LUZP2: variants seen among roughly 807,000 people sequenced by gnomAD.
LUZP2 encodes the protein leucine zipper protein 2.
Under a neutral mutation model 51.6 loss-of-function variants are expected in LUZP2, and 52 were observed. The observed-to-expected ratio is 1.01, with a 90% CI of 0.81 to 1.27. LUZP2 has a LOEUF of 1.27. Among genes scored for constraint, LUZP2 ranks in the 50% most tolerant of loss-of-function variants. The probability of loss-of-function intolerance (pLI) is 0.00; values close to 1 mark genes in which losing one functional copy is unlikely to be tolerated. For synonymous variants in LUZP2, 154 were observed against 137.3 expected, an observed-to-expected ratio of 1.12 and a Z score of -0.85; for missense variants, 436 against 395.4, an observed-to-expected ratio of 1.10 and a Z score of -0.87.
chr11:24,554,724 C>T (rs991803971), intron 1 of LUZP2, among the ~76,000 whole-genome samples: 5 of 67,058 alleles, frequency 7.5e-5, no homozygotes, highest in Non-Finnish European at 1.1e-4. Context: ...TTGGTAAGGA[C>T]TACCAGATTA....
chr11:24,960,845 T>G (rs1011264338), intron 7 of LUZP2, among the ~76,000 whole-genome samples: 5 of 152,184 alleles, frequency 3.3e-5, no homozygotes, highest in African/African-American at 1.2e-4. Flanking sequence ...TGTTAGGGTG[T>G]CAGTTTTGGA....
chr11:24,809,404 G>T (rs1849952450), intron 5 of LUZP2, among the ~76,000 whole-genome samples: 2 of 152,170 alleles, frequency 1.3e-5, no homozygotes, highest in Admixed American at 6.6e-5. Flanking sequence ...CACTCTTTCA[G>T]CATGCCATTC....
intron 9 of LUZP2, among the ~76,000 whole-genome samples, chr11:25,020,877 A>G (rs1857313960): frequency 6.6e-6 from 1 of 152,098 alleles, no homozygotes; most frequent in South Asian, 2.1e-4. Context: ...CAAGAGAATA[A>G]TTTGGAATGT....
At chr11:24,968,899 T>G (rs1214504756) in intron 7 of LUZP2, among the ~76,000 whole-genome samples, 1 of 152,324 alleles carries the variant, frequency 6.6e-6, no homozygotes, top group Non-Finnish European at 1.5e-5. Context: ...TCAAGGTTCG[T>G]AGCCTGGCAC....
At chr11:24,736,891 A>C (rs189311046) in intron 3 of LUZP2, among the ~76,000 whole-genome samples, 1 of 152,004 alleles carries the variant, frequency 6.6e-6, no homozygotes, top group East Asian at 1.9e-4. Context: ...AACCAAAGTG[A>C]CTGTAATTAT....
intron 1 of LUZP2, among the ~76,000 whole-genome samples, chr11:24,575,584 T>G (rs1304582371): frequency 1.3e-5 from 2 of 152,212 alleles, no homozygotes; most frequent in African/African-American, 4.8e-5. Context: ...TGTTTTTTTC[T>G]TTTTCAAACA....
intron 4 of LUZP2, among the ~76,000 whole-genome samples, chr11:24,749,064 G>A (rs79960964): frequency 0.015 from 2,339 of 152,214 alleles, 66 homozygotes; most frequent in African/African-American, 0.053. Context: ...CTTTCTTGAC[G>A]TTAACAAATG....
intron 9 of LUZP2, among the ~76,000 whole-genome samples, chr11:25,006,059 C>T (rs530969037): frequency 1.2e-4 from 18 of 151,674 alleles, no homozygotes; most frequent in Non-Finnish European, 1.8e-4. Context: ...TCCCCATATC[C>T]CCTGCTTGTC....
intron 1 of LUZP2, among the ~76,000 whole-genome samples, chr11:24,563,027 CAT>C (rs1312319367): frequency 6.6e-6 from 1 of 152,204 alleles, no homozygotes; most frequent in African/African-American, 2.4e-5. Flanking sequence ...AGAAGGCTGA[CAT>C]ATTGACTGTA....
chr11:24,866,613 A>G (rs1278241144), intron 5 of LUZP2, among the ~76,000 whole-genome samples: 1 of 152,228 alleles, frequency 6.6e-6, no homozygotes, highest in East Asian at 1.9e-4. Flanking sequence ...GCAAAGCACT[A>G]TGCTACAGGC....
In LUZP2 at chr11:24,991,370, A is replaced by G. The variant is rs7481291; in HGVS notation, c.765+8077A>G. ...TGTGTGTATATATATATGTGTGTGT[A>G]TATATATGTGTGTGTGTGTGTGTGT... On this transcript the variant is annotated intron_variant, in intron 9 of 11. Coordinates refer to ENST00000336930, the MANE Select transcript of LUZP2 (RefSeq NM_001009909.4). 5.4e-3 allele frequency among the ~76,000 whole-genome samples: 407 copies of G among 75,444 alleles called. 5 individuals are homozygous for G. Among genetic ancestry groups the G allele is most frequent in the Admixed American group, 0.047 (273 of 5,762 alleles). 49.5% of individuals were successfully genotyped at this position (75,444 alleles called of 152,430 possible). A position where few individuals can be genotyped will look rare whatever the true frequency, so the allele number is the denominator to read the frequency against.
intron 5 of LUZP2, among the ~76,000 whole-genome samples, chr11:24,848,584 T>C (rs541004365): frequency 2.6e-5 from 4 of 152,224 alleles, no homozygotes; most frequent in East Asian, 1.9e-4. Context: ...TGTTTCTCTT[T>C]TGCTTTGCTG....
At chr11:24,932,697 G>A (rs2133836493) in intron 7 of LUZP2, among the ~76,000 whole-genome samples, 1 of 152,012 alleles carries the variant, frequency 6.6e-6, no homozygotes, top group African/African-American at 2.4e-5. Flanking sequence ...AGGTAAGCAG[G>A]ACTGAGAACT....
chr11:24,947,054 A>G (rs1178606313), intron 7 of LUZP2, among the ~76,000 whole-genome samples: 1 of 151,950 alleles, frequency 6.6e-6, no homozygotes, highest in African/African-American at 2.4e-5. Context: ...TCCGCATATA[A>G]CTTTTGACTC....
chr11:24,933,488 A>C (rs182958584), intron 7 of LUZP2, among the ~76,000 whole-genome samples: 102 of 152,274 alleles, frequency 6.7e-4, no homozygotes, highest in African/African-American at 2.3e-3. Flanking sequence ...TTTGTTCAAA[A>C]GTATTTATTG....
intron 5 of LUZP2, among the ~76,000 whole-genome samples, chr11:24,887,906 G>A (rs918148590): frequency 1.3e-5 from 2 of 152,122 alleles, no homozygotes; most frequent in South Asian, 2.1e-4. Context: ...GAGATGCAGC[G>A]ATCTCTGGTT....
chr11:24,868,257 CAA>C (rs1851955909), intron 5 of LUZP2, among the ~76,000 whole-genome samples: 1 of 152,076 alleles, frequency 6.6e-6, no homozygotes, highest in Non-Finnish European at 1.5e-5. Flanking sequence ...TTACTGGAGA[CAA>C]CTCTTAGCTC....
chr11:24,955,995 C>T (rs1208357014), intron 7 of LUZP2, among the ~76,000 whole-genome samples: 1 of 151,882 alleles, frequency 6.6e-6, no homozygotes, highest in East Asian at 1.9e-4. Flanking sequence ...ATGCACAAAA[C>T]TCAATGAGAT....
At chr11:24,727,340 A>G (rs1372623159) in intron 1 of LUZP2, among the ~76,000 whole-genome samples, 1 of 151,970 alleles carries the variant, frequency 6.6e-6, no homozygotes, top group Non-Finnish European at 1.5e-5. Flanking sequence ...CTGATACACC[A>G]CTTTCTTAAT....
Sources: allele counts gnomAD v4.1 joint callset (sites outside exome capture counted in the v4.1 genomes callset), GRCh38; gene constraint gnomAD v4.1.1; transcripts MANE v1.5; gene names NCBI Gene and HGNC (gene_info 2026-07-23, HGNC 2026-07-21).